The following EPHA6 variants were observed in gnomAD, a reference collection of about 807,000 sequenced individuals.
The protein encoded by EPHA6 is ephrin type-A receptor 6.
In EPHA6, 50 loss-of-function variants were observed where a neutral mutation model predicts 112.0. The ratio of observed to expected loss-of-function variants is 0.45; its 90% CI spans 0.36 to 0.56. The LOEUF is 0.56. EPHA6 is among the 20% of genes least tolerant of loss of function. EPHA6 has a pLI of 0.00. For missense variants in EPHA6, 1,280 were observed against 1,417.4 expected (o/e 0.90, Z 1.56); for synonymous variants, 529 against 490.7 (o/e 1.08, Z -1.03).
In EPHA6 at chr3:96,865,809, A is replaced by G. The variant is rs552730847; in HGVS notation, c.386-1016A>G. Among the ~76,000 whole-genome samples, 8 of 152,002 alleles carry G rather than the reference A, an allele frequency of 5.3e-5. No individual in the cohort carries two copies. The South Asian group carries it at 1.2e-3, about 24-fold the overall frequency. On this transcript the variant is annotated intron_variant, in intron 1 of 17. Transcript: ENST00000389672. ...TTTCTCAGAGTGAGGTTCATGGCCT[A>G]CTGACATCTGGAGGCCTAGGAGGTA...
chr3:97,501,980 G>A (rs1272584024), intron 10 of EPHA6, among the ~76,000 whole-genome samples: 1 of 151,778 alleles, frequency 6.6e-6, no homozygotes, highest in Non-Finnish European at 1.5e-5. Flanking sequence ...ACAAGTAGAG[G>A]CCATGTCTGT....
In EPHA6 at chr3:97,475,411, G is replaced by A. The variant is rs2091340941; in HGVS notation, c.1954G>A (p.Gly652Arg). Residue 652 changes from glycine (G) to arginine (R), a missense_variant, in exon 8 of 18, where the codon GGA (glycine) becomes AGA (arginine). Gly to Arg is a moderately radical substitution (Grantham distance 125, BLOSUM62 -2). This residue lies in a region of EPHA6 where 878 missense variants were observed against 999.7 expected (regional missense o/e 0.88). Transcript: ENST00000389672. The stretch of plus-strand genomic sequence containing the variant: ...CGTGATAGCCACCGCCGCTGTTGGC[G>A]GATTCACTCTCCTCGTCATCCTCAC... ...ILVIATAAVG[G>R]FTLLVILTLF... 1.9e-6 allele frequency: 3 copies of A among 1,611,684 alleles called. No homozygotes were observed. Among genetic ancestry groups the A allele is most frequent in the African/African-American group, 1.3e-5 (1 of 74,826 alleles).
intron 3 of EPHA6, among the ~76,000 whole-genome samples, chr3:97,189,940 G>C (rs899420095): frequency 2.0e-5 from 3 of 152,162 alleles, no homozygotes; most frequent in Admixed American, 2.0e-4. Flanking sequence ...ATCCCATGTA[G>C]ATCTCCCTTC....
chr3:97,650,699 C>A (rs1047874956), intron 14 of EPHA6, among the ~76,000 whole-genome samples: 1 of 151,468 alleles, frequency 6.6e-6, no homozygotes, highest in Non-Finnish European at 1.5e-5. Context: ...ATGTAATAAG[C>A]CTTTTGTCTC....
intron 3 of EPHA6, among the ~76,000 whole-genome samples, chr3:97,044,187 A>T (rs1050219833): frequency 1.3e-5 from 2 of 152,138 alleles, no homozygotes; most frequent in Non-Finnish European, 2.9e-5. Context: ...ATTATAATCT[A>T]TTTTTGCAGA....
intron 3 of EPHA6, among the ~76,000 whole-genome samples, chr3:97,145,547 A>C (rs1366719307): frequency 1.1e-4 from 16 of 151,632 alleles, no homozygotes. Context: ...TAAAAAAAAA[A>C]ACATTTTAAT....
At chr3:97,113,825 G>A (rs1483646304) in intron 3 of EPHA6, among the ~76,000 whole-genome samples, 1 of 151,910 alleles carries the variant, frequency 6.6e-6, no homozygotes, top group East Asian at 1.9e-4. Flanking sequence ...ATGTCCCACA[G>A]ACTTTTTTCT....
intron 16 of EPHA6, among the ~76,000 whole-genome samples, chr3:97,736,472 T>A (rs9883386): frequency 2.5e-3 from 301 of 120,406 alleles, no homozygotes; most frequent in African/African-American, 7.1e-3. Flanking sequence ...AGAGAGAGAG[T>A]GTGTGTGTGT....
At chr3:97,253,104 A>G (rs2079190784) in intron 5 of EPHA6, among the ~76,000 whole-genome samples, 2 of 152,248 alleles carry the variant, frequency 1.3e-5, no homozygotes, top group African/African-American at 4.8e-5. Context: ...TCTACGTGAA[A>G]AAAAACAAAA....
intron 3 of EPHA6, among the ~76,000 whole-genome samples, chr3:97,040,171 AATT>A (rs1223143207): frequency 2.6e-5 from 4 of 151,726 alleles, no homozygotes; most frequent in Non-Finnish European, 5.9e-5. Context: ...ATCAGCACTC[AATT>A]ATTGATGTCC....
intron 2 of EPHA6, among the ~76,000 whole-genome samples, chr3:96,909,755 CAT>C (rs1394169927): frequency 6.6e-6 from 1 of 151,880 alleles, no homozygotes; most frequent in Non-Finnish European, 1.5e-5. Flanking sequence ...AGCCAAAAGA[CAT>C]ATTAAGTGAG....
At chr3:97,121,477 CAT>C (rs2048039461) in intron 3 of EPHA6, among the ~76,000 whole-genome samples, 1 of 152,078 alleles carries the variant, frequency 6.6e-6, no homozygotes, top group Non-Finnish European at 1.5e-5. Context: ...CTCTCACTCA[CAT>C]GTCACTTTGG....
At chr3:97,663,040 C>A (rs1248134281) in intron 14 of EPHA6, among the ~76,000 whole-genome samples, 1 of 152,126 alleles carries the variant, frequency 6.6e-6, no homozygotes, top group Admixed American at 6.5e-5. Flanking sequence ...ATATGAGGTA[C>A]AAAGGCTTTA....
At chr3:97,052,578 T>A (rs2045718762) in intron 3 of EPHA6, among the ~76,000 whole-genome samples, 1 of 152,100 alleles carries the variant, frequency 6.6e-6, no homozygotes, top group Non-Finnish European at 1.5e-5. Flanking sequence ...TCATTGAATG[T>A]ATGGGAAAGT....
intron 11 of EPHA6, among the ~76,000 whole-genome samples, chr3:97,576,668 A>G (rs2093388402): frequency 6.6e-6 from 1 of 152,250 alleles, no homozygotes; most frequent in South Asian, 2.1e-4. Flanking sequence ...TACTGTTAAA[A>G]GATGAAAATT....
chr3:97,717,000 CAGG>C (rs1481042949), intron 14 of EPHA6, among the ~76,000 whole-genome samples: 2 of 152,026 alleles, frequency 1.3e-5, no homozygotes, highest in African/African-American at 4.8e-5. Flanking sequence ...CACTTGAGGT[CAGG>C]AGTTCAATAT....
At chr3:96,900,553 T>C (rs2038545883) in intron 2 of EPHA6, among the ~76,000 whole-genome samples, 1 of 152,152 alleles carries the variant, frequency 6.6e-6, no homozygotes, top group African/African-American at 2.4e-5. Flanking sequence ...GCCAATTATA[T>C]AGGAAATACT....
At chr3:97,106,953 G>A (rs931649310) in intron 3 of EPHA6, among the ~76,000 whole-genome samples, 1 of 152,098 alleles carries the variant, frequency 6.6e-6, no homozygotes, top group Non-Finnish European at 1.5e-5. Flanking sequence ...GGATCAGAGT[G>A]TTCCAGTTTG....
At position 97,642,195 on chromosome 3, in the gene EPHA6, G is replaced by T. The variant is rs1289771950; in HGVS notation, c.2784+4113G>T. 2.0e-5 allele frequency among the ~76,000 whole-genome samples: 2 copies of T among 102,100 alleles called. 1 individual carries two copies. Among genetic ancestry groups the T allele is most frequent in the Non-Finnish European group, 4.2e-5 (2 of 47,952 alleles). The allele number at this position is 102,100 out of a possible 152,430, so 67.0% of individuals were successfully genotyped here. A position where few individuals can be genotyped will look rare whatever the true frequency, so the allele number is the denominator to read the frequency against. ...GCAGGGGCACACTGACACCTCACACGGCAGGGTATTCCAACAGACCTGCAG... is the reference window on the plus strand; with the variant it reads ...GCAGGGGCACACTGACACCTCACACTGCAGGGTATTCCAACAGACCTGCAG... On this transcript the variant is annotated intron_variant, in intron 14 of 17. Transcript: ENST00000389672.
Sources: gnomAD v4.1 joint callset for allele counts (sites outside exome capture counted in the v4.1 genomes callset) on GRCh38, gnomAD v4.1.1 for gene constraint, gnomAD v4.1.1 regional missense constraint, MANE v1.5 for transcripts, NCBI Gene and HGNC (gene_info 2026-07-23, HGNC 2026-07-21) for gene names.